The following NFXL1 variants were observed in gnomAD, a reference collection of about 807,000 sequenced individuals.
NFXL1 encodes the protein nuclear transcription factor, X-box binding like 1, also known as NF-X1-type zinc finger protein NFXL1.
Under a neutral mutation model 123.3 loss-of-function variants are expected in NFXL1, and 66 were observed. The observed-to-expected ratio is 0.54, with a 90% CI of 0.44 to 0.66. The LOEUF is 0.66. Ranked by LOEUF, NFXL1 falls within the 30% of genes least tolerant of loss-of-function variation. The pLI, the probability that NFXL1 is intolerant of heterozygous loss-of-function variation, is 0.00. For missense variants in NFXL1, 944 were observed against 1,125.6 expected (o/e 0.84, Z 2.31); for synonymous variants, 346 against 360.8 (o/e 0.96, Z 0.46).
chr4:47,893,186 T>C (rs186968787), intron 11 of NFXL1, among the ~76,000 whole-genome samples: 41 of 151,812 alleles, frequency 2.7e-4, no homozygotes, highest in Non-Finnish European at 5.0e-4. Context: ...GAAAAATAAA[T>C]AGTATCAGTG....
intron 17 of NFXL1, among the ~76,000 whole-genome samples, chr4:47,876,494 G>C (rs924375149): frequency 6.6e-6 from 1 of 152,062 alleles, no homozygotes; most frequent in East Asian, 1.9e-4. Flanking sequence ...ATGAACAGAG[G>C]CAGAAGTGAG....
intron 18 of NFXL1, among the ~76,000 whole-genome samples, chr4:47,869,515 G>C (rs1378671394): frequency 6.6e-6 from 1 of 152,078 alleles, no homozygotes; most frequent in Non-Finnish European, 1.5e-5. Context: ...TAAAAATCTT[G>C]ACTATAGGAG....
intron 9 of NFXL1, among the ~76,000 whole-genome samples, chr4:47,897,110 G>A (rs1377657210): frequency 6.6e-6 from 1 of 152,110 alleles, no homozygotes; most frequent in South Asian, 2.1e-4. Flanking sequence ...AGGAGTTCGA[G>A]GCCAGCCTGG....
intron 15 of NFXL1, chr4:47,882,174 T>G (rs144344305): frequency 1.6e-4 from 25 of 152,278 alleles, no homozygotes; most frequent in African/African-American, 5.1e-4. Context: ...ATTTTCTCTG[T>G]AAATGTGAAC....
Position 47,914,346 on chromosome 4 carries a change from G to C in NFXL1, c.-3+19C>G. On this transcript the variant is annotated intron_variant, in intron 1 of 22. Transcript: ENST00000507489. Reference sequence around the variant, plus strand: ...CAGGGCGGCGACCGGGTTTTAGGAGGTCGCGGCCCTGCCTTTACCGGAGGG... The same window carrying C: ...CAGGGCGGCGACCGGGTTTTAGGAGCTCGCGGCCCTGCCTTTACCGGAGGG... 1.5e-6 allele frequency: 1 copy of C among 658,636 alleles called. No individual in the cohort carries two copies. The highest frequency in any genetic ancestry group is 2.9e-5 in the East Asian group (1 of 35,078). The allele number at this position is 658,636 out of a possible 1,614,324, so 40.8% of individuals were successfully genotyped here. A position where few individuals can be genotyped will look rare whatever the true frequency, so the allele number is the denominator to read the frequency against.
intron 2 of NFXL1, among the ~76,000 whole-genome samples, chr4:47,912,817 C>A (rs1305916587): frequency 2.7e-5 from 4 of 147,096 alleles, no homozygotes; most frequent in Non-Finnish European, 6.0e-5. Context: ...CACGGTGAAA[C>A]CCCGTCTCTA....
At chr4:47,850,166 A>G (rs7699225) in intron 22 of NFXL1, among the ~76,000 whole-genome samples, 49,443 of 151,914 alleles carry the variant, frequency 0.33, 9,806 homozygotes, top group Non-Finnish European at 0.44. Context: ...TAATAACTTA[A>G]TCTCCTAGGA....
intron 18 of NFXL1, among the ~76,000 whole-genome samples, chr4:47,863,265 C>A (rs564687729): frequency 2.6e-5 from 4 of 152,034 alleles, no homozygotes; most frequent in Non-Finnish European, 5.9e-5. Flanking sequence ...ATTGTTAATG[C>A]CCCTACATAA....
Position 47,848,347 on chromosome 4 carries a change from A to C in NFXL1, c.2563-11T>G. On this transcript the variant is annotated splice_polypyrimidine_tract_variant and intron_variant, in intron 22 of 22. Transcript: ENST00000507489. The stretch of plus-strand genomic sequence containing the variant: ...AGCTTCTAGTTCAGCCTAAATAAAA[A>C]CAGCATCATTTTAATTAAATTCAAT... 6.3e-7 allele frequency: 1 copy of C among 1,577,832 alleles called. No homozygotes were observed. The highest frequency in any genetic ancestry group is 1.2e-5 in the South Asian group (1 of 85,958).
At chr4:47,849,042 T>G (rs1733971834) in intron 22 of NFXL1, among the ~76,000 whole-genome samples, 1 of 152,220 alleles carries the variant, frequency 6.6e-6, no homozygotes, top group Non-Finnish European at 1.5e-5. Context: ...AGTGCTGTGA[T>G]GCCTAGTGAG....
chr4:47,902,975 G>GA (rs1239702843), intron 5 of NFXL1, among the ~76,000 whole-genome samples: 1 of 152,136 alleles, frequency 6.6e-6, no homozygotes, highest in East Asian at 1.9e-4. Context: ...CAGACATGGT[G>GA]AAACCCTGTG....
At chr4:47,868,296 G>A (rs139288599) in intron 18 of NFXL1, among the ~76,000 whole-genome samples, 1 of 151,132 alleles carries the variant, frequency 6.6e-6, no homozygotes, top group African/African-American at 2.4e-5. Context: ...TCCAGCCTGG[G>A]TGACAGAGCG....
At chr4:47,909,474 T>A (rs1737724079) in intron 3 of NFXL1, among the ~76,000 whole-genome samples, 1 of 152,176 alleles carries the variant, frequency 6.6e-6, no homozygotes, top group Non-Finnish European at 1.5e-5. Flanking sequence ...TCACCTCTCC[T>A]CTGTAGAATT....
chr4:47,863,869 T>C (rs901957619), intron 18 of NFXL1, among the ~76,000 whole-genome samples: 3 of 152,162 alleles, frequency 2.0e-5, no homozygotes, highest in Non-Finnish European at 4.4e-5. Context: ...CCCTATCACT[T>C]GCGTCTCACT....
At chr4:47,859,294 A>G (rs2110037844) in intron 19 of NFXL1, among the ~76,000 whole-genome samples, 1 of 152,326 alleles carries the variant, frequency 6.6e-6, no homozygotes, top group Middle Eastern at 3.4e-3. Context: ...AAGAACTAAG[A>G]AACACTTGTA....
intron 22 of NFXL1, 57 bp downstream of exon 22, chr4:47,851,038 G>T: frequency 1.5e-6 from 2 of 1,299,240 alleles, no homozygotes; most frequent in Non-Finnish European, 2.2e-6. Flanking sequence ...CCCCGTGTTT[G>T]CACAAAATCT....
chr4:47,866,514 T>C (rs926885961), intron 18 of NFXL1, among the ~76,000 whole-genome samples: 1 of 152,208 alleles, frequency 6.6e-6, no homozygotes, highest in Non-Finnish European at 1.5e-5. Flanking sequence ...AAAGCCTTTT[T>C]GCTGATGAAA....
At position 47,890,673 on chromosome 4, in the gene NFXL1, G is replaced by A; in HGVS notation, c.1483C>T (p.Gln495Ter). ...CCPGNCPPCD[Q>*]NCGRTLGCRN... is the part of the protein sequence containing the mutation. ...CATCCTAAAGTCCGTCCACAGTTTT[G>A]ATCACAAGGTGGACAGTTTCCAGGG... is the stretch of plus-strand genomic sequence containing the variant. Residue 495 changes from glutamine (Q) to a stop codon, truncating the protein, a stop_gained, in exon 12 of 23, where the codon CAA becomes TAA. Transcript: ENST00000507489. LOFTEE classifies it high-confidence loss of function. The A allele has an allele frequency of 6.2e-7, 1 of 1,610,928 alleles. No individual in the cohort carries two copies. The highest frequency in any genetic ancestry group is 8.5e-7 in the Non-Finnish European group (1 of 1,177,416).
intron 15 of NFXL1, among the ~76,000 whole-genome samples, chr4:47,880,807 T>TAAAAAAAAAAAAA (rs57880960): frequency 1.3e-5 from 1 of 78,834 alleles, no homozygotes; most frequent in Non-Finnish European, 2.5e-5. Context: ...AATTAATGAG[T>TAAAAAAAAAAAAA]AAAAAAAAAA....
Sources: gnomAD v4.1 joint callset for allele counts (sites outside exome capture counted in the v4.1 genomes callset) on GRCh38, gnomAD v4.1.1 for gene constraint, MANE v1.5 for transcripts, NCBI Gene and HGNC (gene_info 2026-07-23, HGNC 2026-07-21) for gene names.